FNBP1: variants seen among roughly 807,000 people sequenced by gnomAD.
FNBP1 encodes the protein formin binding protein 1, also known as formin-binding protein 1.
Under a neutral mutation model 90.6 loss-of-function variants are expected in FNBP1, and 26 were observed. The ratio of observed to expected loss-of-function variants is 0.29; its 90% CI spans 0.21 to 0.40. The LOEUF is 0.40. FNBP1 is among the 10% of genes least tolerant of loss of function. The pLI, the probability that FNBP1 is intolerant of heterozygous loss-of-function variation, is 1.00. For missense variants in FNBP1, 635 were observed against 768.0 expected (o/e 0.83, Z 2.05); for synonymous variants, 260 against 265.2 (o/e 0.98, Z 0.19).
At chr9:129,983,407 G>A (rs766788646) in intron 2 of FNBP1, among the ~76,000 whole-genome samples, 8 of 152,158 alleles carry the variant, frequency 5.3e-5, no homozygotes, top group Non-Finnish European at 1.0e-4. Flanking sequence ...AGATCTCAAA[G>A]TGAACTTCAT....
chr9:130,047,115 C>G (rs75251336), upstream of FNBP1, among the ~76,000 whole-genome samples: 747 of 151,938 alleles, frequency 4.9e-3, 6 homozygotes, highest in Middle Eastern at 0.017. Context: ...AGGTGAAGTG[C>G]GAGGCTGCAG....
intron 1 of FNBP1, chr9:130,014,027 C>T (rs749787741): frequency 6.4e-5 from 29 of 456,650 alleles, no homozygotes; most frequent in South Asian, 4.3e-4. Flanking sequence ...GACAAACCCA[C>T]CTGTCCATCT....
chr9:129,993,922 G>A (rs1017416001), intron 2 of FNBP1, among the ~76,000 whole-genome samples: 7 of 152,142 alleles, frequency 4.6e-5, no homozygotes, highest in African/African-American at 1.7e-4. Flanking sequence ...ACTGCGCCCG[G>A]CCCGAAGTAC....
At chr9:129,970,326 C>T (rs1338298785) in intron 4 of FNBP1, among the ~76,000 whole-genome samples, 1 of 152,124 alleles carries the variant, frequency 6.6e-6, no homozygotes, top group Non-Finnish European at 1.5e-5. Flanking sequence ...CTGCCTCAGC[C>T]TCCCGAGTAG....
chr9:129,892,405 ACACACACACAC>A (rs1564242554), intron 16 of FNBP1, among the ~76,000 whole-genome samples: 23 of 147,914 alleles, frequency 1.6e-4, no homozygotes, highest in East Asian at 6.1e-4. Context: ...ACACACACAC[ACACACACACAC>A]AAAAAGGTTG....
intron 16 of FNBP1, 44 bp downstream of exon 16, chr9:129,895,794 T>C (rs1242714204): frequency 1.3e-6 from 2 of 1,492,834 alleles, no homozygotes; most frequent in Non-Finnish European, 1.8e-6. Context: ...CTCCATTTTT[T>C]TTAAGTTTTT....
chr9:130,001,368 C>A (rs1241324931), intron 1 of FNBP1, among the ~76,000 whole-genome samples: 1 of 151,354 alleles, frequency 6.6e-6, no homozygotes, highest in Non-Finnish European at 1.5e-5. Flanking sequence ...TAGTAGTTAC[C>A]AGTGCAATTT....
intron 1 of FNBP1, among the ~76,000 whole-genome samples, chr9:130,007,555 G>A (rs2131594491): frequency 6.6e-6 from 1 of 152,238 alleles, no homozygotes; most frequent in Non-Finnish European, 1.5e-5. Flanking sequence ...GCTATGGAAT[G>A]TATCCCTTTA....
In FNBP1 at chr9:129,890,511, C is replaced by T. The variant is rs376228981; in HGVS notation, c.*28G>A. 6.7e-5 allele frequency: 106 copies of T among 1,580,056 alleles called. 1 individual carries two copies. In the African/African-American group the frequency reaches 1.4e-3, roughly 21 times the overall value. On this transcript the variant is annotated 3_prime_UTR_variant, in exon 17 of 17. Transcript: ENST00000446176. The surrounding 1 kb of genome is among the most constrained non-coding windows in gnomAD (Gnocchi z 5.8). ...GCAGACGGAGGCTCCTCCAGGAAGG[C>T]TCACCCGAGGCTCGCAGGCACTCCC...
chr9:129,897,986 C>T (rs1007293422), intron 15 of FNBP1, among the ~76,000 whole-genome samples: 11 of 151,980 alleles, frequency 7.2e-5, no homozygotes, highest in Non-Finnish European at 1.2e-4. Context: ...CCCGCCACCA[C>T]GCCTCACTGA....
At chr9:129,894,171 T>G (rs1455184310) in intron 16 of FNBP1, among the ~76,000 whole-genome samples, 1 of 151,780 alleles carries the variant, frequency 6.6e-6, no homozygotes, top group East Asian at 1.9e-4. Context: ...ATTTTCAAAA[T>G]CAAATAAAAA....
intron 6 of FNBP1, among the ~76,000 whole-genome samples, chr9:129,946,290 G>T (rs1214355535): frequency 6.6e-6 from 1 of 152,154 alleles, no homozygotes; most frequent in Non-Finnish European, 1.5e-5. Flanking sequence ...ACATCTATAT[G>T]TAGAATTAAA....
chr9:130,006,586 C>T (rs1007861780), intron 1 of FNBP1, among the ~76,000 whole-genome samples: 1 of 152,048 alleles, frequency 6.6e-6, no homozygotes, highest in Non-Finnish European at 1.5e-5. Flanking sequence ...AGGAGAATCG[C>T]TTGACCCCAG....
the FNBP1 span, among the ~76,000 whole-genome samples, chr9:130,051,719 T>C: frequency 6.6e-6 from 1 of 151,932 alleles, no homozygotes; most frequent in African/African-American, 2.4e-5. Context: ...GGCTGAGGCA[T>C]GAGAATCCCT....
At chr9:129,967,116 G>A (rs2048746305) in intron 4 of FNBP1, among the ~76,000 whole-genome samples, 1 of 152,222 alleles carries the variant, frequency 6.6e-6, no homozygotes, top group Non-Finnish European at 1.5e-5. Context: ...GGGTGACTAT[G>A]TGTTTGGCCA....
At chr9:129,896,128 C>A in intron 15 of FNBP1, 132 bp from the exon 16 acceptor site, 1 of 852,234 alleles carries the variant, frequency 1.2e-6, no homozygotes, top group East Asian at 2.5e-5. Flanking sequence ...CGGACCTTCT[C>A]AGATGCACGG....
chr9:129,960,246 G>A (rs538686527), intron 4 of FNBP1, among the ~76,000 whole-genome samples: 32 of 151,652 alleles, frequency 2.1e-4, no homozygotes, highest in African/African-American at 6.0e-4. Flanking sequence ...GCGTGGTGGC[G>A]TGGACCTGTA....
chr9:129,984,654 C>T (rs1236698975), intron 2 of FNBP1, among the ~76,000 whole-genome samples: 2 of 152,070 alleles, frequency 1.3e-5, no homozygotes, highest in African/African-American at 4.8e-5. Flanking sequence ...TGTGTCCCCA[C>T]CCAAATCTCA....
the FNBP1 span, among the ~76,000 whole-genome samples, chr9:130,051,828 T>C: frequency 8.6e-5 from 13 of 150,946 alleles, no homozygotes; most frequent in Middle Eastern, 3.4e-3. Flanking sequence ...GGAGAGAAAA[T>C]AGAAAAATAA....
Sources: allele counts gnomAD v4.1 joint callset (sites outside exome capture counted in the v4.1 genomes callset), GRCh38; gene constraint gnomAD v4.1.1; non-coding constraint Gnocchi (gnomAD v3.1); transcripts MANE v1.5; gene names NCBI Gene and HGNC (gene_info 2026-07-23, HGNC 2026-07-21).